MLLT1: variants seen among roughly 807,000 people sequenced by gnomAD.
MLLT1 encodes the protein protein ENL.
Under a neutral mutation model 55.1 loss-of-function variants are expected in MLLT1, and 11 were observed. The ratio of observed to expected loss-of-function variants is 0.20; its 90% CI spans 0.13 to 0.33. The LOEUF is 0.33. Ranked by LOEUF, MLLT1 falls within the 10% of genes least tolerant of loss-of-function variation. MLLT1 has a pLI of 1.00. For synonymous variants in MLLT1, 323 were observed against 320.1 expected, an observed-to-expected ratio of 1.01 and a Z score of -0.10; for missense variants, 536 against 760.6, an observed-to-expected ratio of 0.70 and a Z score of 3.47.
At position 6,256,681 on chromosome 19, in the gene MLLT1, G is replaced by A. The variant is rs930444423; in HGVS notation, c.276+5547C>T. ...AGGCAGGAGAATGGTGTGAACCCGGGAGGCGGAGCTTGCAGTGAGCCGAGA... is the reference window on the plus strand; with the variant it reads ...AGGCAGGAGAATGGTGTGAACCCGGAAGGCGGAGCTTGCAGTGAGCCGAGA... On this transcript the variant is annotated intron_variant, in intron 3 of 11. Transcript: ENST00000252674. This position sits in a 1 kb window ranked among gnomAD's most constrained non-coding sequence, Gnocchi z 4.1. Among the ~76,000 whole-genome samples the A allele has an allele frequency of 7.2e-5, 11 of 152,136 alleles. No homozygotes were observed. Among genetic ancestry groups the A allele is most frequent in the Admixed American group, 1.3e-4 (2 of 15,274 alleles).
intron 2 of MLLT1, among the ~76,000 whole-genome samples, chr19:6,265,038 C>CAAA (rs928827048): frequency 3.4e-3 from 71 of 21,162 alleles, no homozygotes; most frequent in African/African-American, 8.0e-3. Context: ...TAGTGAACAG[C>CAAA]AAAAAAAAAA....
Position 6,270,504 on chromosome 19 carries a change from G to C in MLLT1, c.193+75C>G. The C allele has an allele frequency of 1.4e-6, 2 of 1,469,946 alleles. No individual in the cohort carries two copies. Among genetic ancestry groups the C allele is most frequent in the Non-Finnish European group, 1.8e-6 (2 of 1,088,778 alleles). The allele number at this position is 1,469,946 out of a possible 1,614,324, so 91.1% of individuals were successfully genotyped here. On this transcript the variant is annotated intron_variant, in intron 2 of 11. Coordinates refer to ENST00000252674, the MANE Select transcript of MLLT1 (RefSeq NM_005934.4). This position sits in a 1 kb window ranked among gnomAD's most constrained non-coding sequence, Gnocchi z 7.1. ...GGGGTCCTGCTGCTCCTGAGGGAGG[G>C]GTGGAGCCTGGCCTTGGGAGGAGTG...
intron 3 of MLLT1, among the ~76,000 whole-genome samples, chr19:6,234,274 G>C (rs2144884886): frequency 6.6e-6 from 1 of 152,374 alleles, no homozygotes; most frequent in African/African-American, 2.4e-5. Context: ...CCGACCCTGG[G>C]GAGAAGGGCC....
chr19:6,213,965 G>A lies in MLLT1; in HGVS notation c.1381C>T (p.Gln461Ter). Residue 461 changes from glutamine to a stop codon, truncating the protein, a stop_gained, in exon 9 of 12, where the codon CAG becomes TAG. Coordinates refer to ENST00000252674, the MANE Select transcript of MLLT1 (RefSeq NM_005934.4). LOFTEE classifies it high-confidence loss of function. The stretch of plus-strand genomic sequence containing the variant: ...TTGCTGTTGGGCGGGGGTGGCTTCT[G>A]GGGGGGTGGGGGCTCACGGCTGGGC... ...SLPSREPPPPQKPPPPNSKVS... is the reference protein window; with the variant it reads ...SLPSREPPPP 6.9e-7 allele frequency: 1 copy of A among 1,445,682 alleles called. No homozygotes were observed. The highest frequency in any genetic ancestry group is 9.1e-7 in the Non-Finnish European group (1 of 1,096,758). The allele number at this position is 1,445,682 out of a possible 1,614,324, so 89.6% of individuals were successfully genotyped here.
chr19:6,242,814 AGGGCACC>A (rs1291874515), intron 3 of MLLT1, among the ~76,000 whole-genome samples: 1 of 152,140 alleles, frequency 6.6e-6, no homozygotes, highest in African/African-American at 2.4e-5. Context: ...CTGCATCTAC[AGGGCACC>A]TGGGGGGCTG....
rs2090999042 is a variant in MLLT1, at chr19:6,230,486, A to G, written c.420+84T>C. 7.1e-6 allele frequency: 11 copies of G among 1,543,054 alleles called. No individual in the cohort carries two copies. The highest frequency in any genetic ancestry group is 9.7e-6 in the Non-Finnish European group (11 of 1,139,592). ...CCTTGGGTCTCGGCCCCCAGCACCG[A>G]CACCTCTGGCTGGGCACAGACGGCC... On this transcript the variant is annotated intron_variant, in intron 4 of 11. Transcript: ENST00000252674. The surrounding 1 kb of genome is among the most constrained non-coding windows in gnomAD (Gnocchi z 9.0).
In MLLT1 at chr19:6,212,963, G is replaced by C. The variant is rs1273674564; in HGVS notation, c.*79C>G. ...CTAAGGCAGTGCTGCGGGCAGGCGAGACGGGAGAGGAGGGCAGGCGAGGCC... is the reference window on the plus strand; with the variant it reads ...CTAAGGCAGTGCTGCGGGCAGGCGACACGGGAGAGGAGGGCAGGCGAGGCC... On this transcript the variant is annotated 3_prime_UTR_variant, in exon 12 of 12. Coordinates refer to ENST00000252674, the MANE Select transcript of MLLT1 (RefSeq NM_005934.4). 35 of 1,555,760 alleles carry C rather than the reference G, an allele frequency of 2.2e-5. No individual in the cohort carries two copies. Among genetic ancestry groups the C allele is most frequent in the Non-Finnish European group, 3.1e-5 (35 of 1,142,636 alleles).
At chr19:6,233,158 T>G (rs2091028788) in intron 3 of MLLT1, among the ~76,000 whole-genome samples, 1 of 152,194 alleles carries the variant, frequency 6.6e-6, no homozygotes, top group South Asian at 2.1e-4. Context: ...CTCCCCAGCC[T>G]GCCTGCAGTG....
rs542549410 is a variant in MLLT1 at position 6,219,039 on chromosome 19, G to A, written c.1111-998C>T. On this transcript the variant is annotated intron_variant, in intron 6 of 11. Coordinates refer to ENST00000252674, the MANE Select transcript of MLLT1 (RefSeq NM_005934.4). The surrounding 1 kb of genome is among the most constrained non-coding windows in gnomAD (Gnocchi z 4.5). ...AGCCGCCAGCCATGCAAGGGAAGCC[G>A]TGAACGGAGTACTGAGCTGGTGGGA... 1.3e-5 allele frequency among the ~76,000 whole-genome samples: 2 copies of A among 152,242 alleles called. No homozygotes were observed. The highest frequency in any genetic ancestry group is 4.8e-5 in the African/African-American group (2 of 41,544).
At chr19:6,272,896 T>C (rs934354654) in intron 1 of MLLT1, among the ~76,000 whole-genome samples, 1 of 152,318 alleles carries the variant, frequency 6.6e-6, no homozygotes, top group Middle Eastern at 3.4e-3. Context: ...GCAATTTCTA[T>C]TTGGCAACTT....
chr19:6,234,750 C>T (rs886768198), intron 3 of MLLT1, among the ~76,000 whole-genome samples: 3 of 152,120 alleles, frequency 2.0e-5, no homozygotes, highest in African/African-American at 7.2e-5. Context: ...CTCTGTGGGA[C>T]ACATGGTCCT....
At position 6,222,893 on chromosome 19, in the gene MLLT1, T is replaced by TG. The variant is rs1212423629; in HGVS notation, c.547-210dup. On this transcript the variant is annotated intron_variant, in intron 5 of 11. Coordinates refer to ENST00000252674, the MANE Select transcript of MLLT1 (RefSeq NM_005934.4). The surrounding 1 kb of genome is among the most constrained non-coding windows in gnomAD (Gnocchi z 4.1). ...CTTTAAACTACTAGGAAGTGTCAGC[T>TG]GGTCCCCGGCAGCTGCAGGCTAAGA... 6.6e-6 allele frequency among the ~76,000 whole-genome samples: 1 copy of TG among 152,244 alleles called. No individual in the cohort carries two copies. The highest frequency in any genetic ancestry group is 1.9e-4 in the East Asian group (1 of 5,192).
intron 3 of MLLT1, among the ~76,000 whole-genome samples, chr19:6,238,569 T>A (rs767066003): frequency 5.6e-4 from 86 of 152,232 alleles, no homozygotes; most frequent in Non-Finnish European, 1.1e-3. Flanking sequence ...GAAAGGAGAA[T>A]TAAATAGATA....
chr19:6,212,538 G>A lies in MLLT1; in HGVS notation c.*504C>T. 9.3e-7 allele frequency: 1 copy of A among 1,079,850 alleles called. No individual in the cohort carries two copies. The highest frequency in any genetic ancestry group is 1.1e-6 in the Non-Finnish European group (1 of 889,592). The allele number at this position is 1,079,850 out of a possible 1,614,324, so 66.9% of individuals were successfully genotyped here. On this transcript the variant is annotated 3_prime_UTR_variant, in exon 12 of 12. Transcript: ENST00000252674. ...CAGACCCCAGCGCAGCGCGAGCCGG[G>A]GAGGAGCCGGCGCTAGGTCTACACG...
rs750663439 is a variant in MLLT1 at position 6,222,997 on chromosome 19, C to T, written c.547-313G>A. Among the ~76,000 whole-genome samples the T allele has an allele frequency of 6.6e-6, 1 of 152,166 alleles. No homozygotes were observed. Among genetic ancestry groups the T allele is most frequent in the Non-Finnish European group, 1.5e-5 (1 of 68,022 alleles). ...TGAGTCAGGCAGAGCATGGCCACTT[C>T]GCCCGCACCCGCCCGCCCTAACACC... is the stretch of plus-strand genomic sequence containing the variant. On this transcript the variant is annotated intron_variant, in intron 5 of 11. Transcript: ENST00000252674. This position sits in a 1 kb window ranked among gnomAD's most constrained non-coding sequence, Gnocchi z 4.1.
intron 3 of MLLT1, among the ~76,000 whole-genome samples, chr19:6,249,499 C>T (rs530246746): frequency 1.3e-5 from 2 of 152,266 alleles, no homozygotes; most frequent in East Asian, 1.9e-4. Context: ...TGCCTTGTCC[C>T]GGGGCAGCCC....
chr19:6,227,614 A>G lies in MLLT1; in HGVS notation c.421-512T>C, dbSNP rs966697573. Among the ~76,000 whole-genome samples, 13 of 152,228 alleles carry G rather than the reference A, an allele frequency of 8.5e-5. No homozygotes were observed. The highest frequency in any genetic ancestry group is 1.6e-4 in the Non-Finnish European group (11 of 68,030). ...TGCGGTGACTGCAGCGGACCCGAAC[A>G]GGGCAAGAGCACCCAGGCTGAGGCC... On this transcript the variant is annotated intron_variant, in intron 4 of 11. Transcript: ENST00000252674. The surrounding 1 kb of genome is among the most constrained non-coding windows in gnomAD (Gnocchi z 5.1).
intron 1 of MLLT1, among the ~76,000 whole-genome samples, chr19:6,272,256 A>G (rs1413124669): frequency 6.6e-6 from 1 of 152,208 alleles, no homozygotes; most frequent in African/African-American, 2.4e-5. Context: ...GCACACGTGC[A>G]CACACAGACA....
At position 6,222,206 on chromosome 19, in the gene MLLT1, T is replaced by C; in HGVS notation, c.1025A>G (p.Lys342Arg). The stretch of plus-strand genomic sequence containing the variant: ...GGCCTCCCGGGGCTCACTCTCGGCC[T>C]TCACCTTCTCCCCTCTGGTGCTGCT... ...DKSSTRGEKV[K>R]AESEPREAKK... is the part of the protein sequence containing the mutation. The change falls in exon 6 of 12, where the codon AAG (lysine) becomes AGG (arginine). Residue 342 changes from lysine to arginine, a missense_variant. Lys to Arg is a conservative substitution (Grantham distance 26, BLOSUM62 2). Transcript: ENST00000252674. The surrounding 1 kb of genome is among the most constrained non-coding windows in gnomAD (Gnocchi z 4.1). 1.2e-6 allele frequency: 2 copies of C among 1,610,304 alleles called. No homozygotes were observed. The highest frequency in any genetic ancestry group is 1.7e-6 in the Non-Finnish European group (2 of 1,178,198).
Sources: allele counts gnomAD v4.1 joint callset (sites outside exome capture counted in the v4.1 genomes callset), GRCh38; gene constraint gnomAD v4.1.1; non-coding constraint Gnocchi (gnomAD v3.1); transcripts MANE v1.5; gene names NCBI Gene and HGNC (gene_info 2026-07-23, HGNC 2026-07-21).